PEX1: variants seen among roughly 807,000 people sequenced by gnomAD.
PEX1 encodes peroxisomal biogenesis factor 1, also known as peroxisomal ATPase PEX1.
Under a neutral mutation model 152.5 loss-of-function variants are expected in PEX1, and 97 were observed. That is an observed-to-expected ratio of 0.64 (90% CI 0.54 to 0.75). PEX1 has a LOEUF of 0.75. Among genes scored for constraint, PEX1 ranks in the 30% least tolerant of loss-of-function variants. The pLI is 0.00. For missense variants in PEX1, 1,357 were observed against 1,516.3 expected (o/e 0.89, Z 1.74); for synonymous variants, 485 against 531.6 (o/e 0.91, Z 1.21).
chr7:92,498,710 G>A (rs1225236273), intron 16 of PEX1, among the ~76,000 whole-genome samples: 1 of 151,898 alleles, frequency 6.6e-6, no homozygotes, highest in Non-Finnish European at 1.5e-5. Flanking sequence ...AAAATGATCT[G>A]CTAGCATGCC....
intron 16 of PEX1, among the ~76,000 whole-genome samples, chr7:92,498,708 C>G (rs1791778373): frequency 1.3e-5 from 2 of 152,086 alleles, no homozygotes; most frequent in Admixed American, 1.3e-4. Flanking sequence ...CCAAAATGAT[C>G]TGCTAGCATG....
At chr7:92,527,430 TAGG>T (rs1228803498) in intron 1 of PEX1, among the ~76,000 whole-genome samples, 5 of 152,180 alleles carry the variant, frequency 3.3e-5, no homozygotes, top group African/African-American at 1.2e-4. Context: ...ACGACGATGA[TAGG>T]AGGATTCTGC....
intron 10 of PEX1, 133 bp downstream of exon 10, chr7:92,506,861 T>C: frequency 1.2e-6 from 1 of 846,852 alleles, no homozygotes; most frequent in Non-Finnish European, 1.9e-6. Flanking sequence ...ATGAATGCTT[T>C]CCATATGTCG....
At position 92,513,847 on chromosome 7, in the gene PEX1, C is replaced by T; in HGVS notation, c.1359+1G>A. ...GATGTAACATATATATTTGAACTCACTAAATTCTCTCTAGGTTGTAACTTT... is the reference window on the plus strand; with the variant it reads ...GATGTAACATATATATTTGAACTCATTAAATTCTCTCTAGGTTGTAACTTT... On this transcript the variant is annotated splice_donor_variant, in intron 6 of 23. Transcript: ENST00000248633. LOFTEE classifies it high-confidence loss of function. The T allele has an allele frequency of 6.3e-7, 1 of 1,597,668 alleles. No homozygotes were observed. The highest frequency in any genetic ancestry group is 1.3e-5 in the African/African-American group (1 of 74,766).
rs1372818775 is a variant in PEX1 at position 92,502,014 on chromosome 7, G to A, written c.2292C>T (p.Phe764=). 1.9e-6 allele frequency: 3 copies of A among 1,612,838 alleles called. No homozygotes were observed. Among genetic ancestry groups the A allele is most frequent in the Non-Finnish European group, 2.5e-6 (3 of 1,178,986 alleles). ...KNKLDCDINK[F]TDLDLQHVAK... ...CTACATGCTGCAGGTCAAGATCGGT[G>A]AACTTGTTTATATCACAGTCCAATT... Residue 764 remains phenylalanine, a synonymous_variant, in exon 14 of 24, where the codon TTC becomes TTT. Coordinates refer to ENST00000248633, the MANE Select transcript of PEX1 (RefSeq NM_000466.3).
rs1792829321 is a variant in PEX1, at chr7:92,517,221, T to C, written c.1239+55A>G. ...ATGAAATACTATTCTAATTCATAAT[T>C]TGGGGATGTTTAAGCCACATAAAAT... On this transcript the variant is annotated intron_variant, in intron 5 of 23. Coordinates refer to ENST00000248633, the MANE Select transcript of PEX1 (RefSeq NM_000466.3). 4 of 1,245,678 alleles carry C rather than the reference T, an allele frequency of 3.2e-6. No individual in the cohort carries two copies. In the East Asian group the frequency reaches 9.3e-5, roughly 29 times the overall value. The allele number at this position is 1,245,678 out of a possible 1,614,324, so 77.2% of individuals were successfully genotyped here. A position where few individuals can be genotyped will look rare whatever the true frequency, so the allele number is the denominator to read the frequency against.
rs755194145 is a variant in PEX1, at chr7:92,491,445, G to A, written c.3265C>T (p.His1089Tyr). 2 of 1,613,700 alleles carry A rather than the reference G, an allele frequency of 1.2e-6. No individual in the cohort carries two copies. Among genetic ancestry groups the A allele is most frequent in the East Asian group, 2.2e-5 (1 of 44,866 alleles). Residue 1089 changes from histidine to tyrosine, a missense_variant, in exon 21 of 24, where the codon CAT becomes TAT. Coordinates refer to ENST00000248633, the MANE Select transcript of PEX1 (RefSeq NM_000466.3). ...GCTGAATCGTCAGAGCCACTGCTAT[G>A]GTTAAGAAAGACCATTGAAGACAGA... The part of the protein sequence containing the change: ...LSLSSMVFLN[H>Y]SSGSDDSAGD...
At position 92,494,649 on chromosome 7, in the gene PEX1, T is replaced by A. The variant is rs779031115; in HGVS notation, c.2784-20A>T. 6.2e-7 allele frequency: 1 copy of A among 1,612,906 alleles called. No individual in the cohort carries two copies. On this transcript the variant is annotated intron_variant, in intron 17 of 23. Transcript: ENST00000248633. The stretch of plus-strand genomic sequence containing the variant: ...TGTGCTCTGGGAAAAACAAACAACA[T>A]TTCATATTTGAATCAGGCTTCATAG...
rs1270405806 is a variant in PEX1 at position 92,489,896 on chromosome 7, A to G, written c.3454T>C (p.Ser1152Pro). 6.8e-6 allele frequency: 11 copies of G among 1,613,872 alleles called. No homozygotes were observed. The highest frequency in any genetic ancestry group is 8.5e-6 in the Non-Finnish European group (10 of 1,179,916). Residue 1152 changes from serine (S) to proline (P), a missense_variant, in exon 22 of 24, where the codon TCT (serine) becomes CCT (proline). Ser to Pro is a moderately conservative substitution (Grantham distance 74). Transcript: ENST00000248633. ...TCCTGAGTCATGGAGCTTGGTGCAG[A>G]GAGACATTGTGAGCTCTGCATGGTA... Reference protein sequence around the residue: ...TSSDLSSQCLSAPSSMTQDLP... With the variant: ...TSSDLSSQCLPAPSSMTQDLP...
At chr7:92,513,600 G>A (rs1444102821) in intron 6 of PEX1, among the ~76,000 whole-genome samples, 1 of 152,036 alleles carries the variant, frequency 6.6e-6, no homozygotes, top group Non-Finnish European at 1.5e-5. Flanking sequence ...TTCTCTTTGG[G>A]GTGATGGAAA....
At chr7:92,525,009 G>A (rs529394539) in intron 1 of PEX1, among the ~76,000 whole-genome samples, 1 of 152,284 alleles carries the variant, frequency 6.6e-6, no homozygotes, top group African/African-American at 2.4e-5. Context: ...AAGGAAAAAT[G>A]AACCTTATTG....
At chr7:92,516,896 A>G (rs1046025901) in intron 5 of PEX1, among the ~76,000 whole-genome samples, 24 of 152,194 alleles carry the variant, frequency 1.6e-4, no homozygotes, top group African/African-American at 5.1e-4. Flanking sequence ...TGCTTTCGGT[A>G]ACTGGGGAAC....
rs775743560 is a variant in PEX1, at chr7:92,489,430, TA to T, written c.3637-8del. On this transcript the variant is annotated splice_region_variant and splice_polypyrimidine_tract_variant and intron_variant, in intron 22 of 23. Coordinates refer to ENST00000248633, the MANE Select transcript of PEX1 (RefSeq NM_000466.3). ...GGTTCATGGATTCGTCCTCCTTAAG[TA>T]AAAAAAGAAATTGACGAAGAGTTAA... The T allele has an allele frequency of 1.9e-6, 3 of 1,611,212 alleles. No individual in the cohort carries two copies. The highest frequency in any genetic ancestry group is 1.1e-5 in the South Asian group (1 of 90,890).
At chr7:92,505,934 T>C (rs1296446653) in intron 11 of PEX1, among the ~76,000 whole-genome samples, 1 of 152,158 alleles carries the variant, frequency 6.6e-6, no homozygotes, top group Non-Finnish European at 1.5e-5. Context: ...TCCATAGCAA[T>C]TCAGAGATCA....
intron 16 of PEX1, 64 bp from the exon 17 acceptor site, chr7:92,496,841 ACTAAGT>A: frequency 9.8e-7 from 1 of 1,024,850 alleles, no homozygotes; most frequent in Non-Finnish European, 1.5e-6. Context: ...TTGGTTTCTG[ACTAAGT>A]CTAAATGAAT....
At chr7:92,516,816 T>G (rs1321690095) in intron 5 of PEX1, among the ~76,000 whole-genome samples, 1 of 152,148 alleles carries the variant, frequency 6.6e-6, no homozygotes, top group Non-Finnish European at 1.5e-5. Context: ...TGCCACCACA[T>G]GCAGCAGGAA....
chr7:92,525,474 A>G (rs914790457), intron 1 of PEX1, among the ~76,000 whole-genome samples: 1 of 152,234 alleles, frequency 6.6e-6, no homozygotes, highest in Non-Finnish European at 1.5e-5. Flanking sequence ...AATCACATCA[A>G]GTTCTGAGTA....
Position 92,510,477 on chromosome 7 carries a change from A to AT in PEX1, c.1587+466_1587+467insA, listed in dbSNP as rs1258091129. 2.1e-3 allele frequency among the ~76,000 whole-genome samples: 317 copies of AT among 151,148 alleles called. 2 individuals carry two copies. Among genetic ancestry groups the AT allele is most frequent in the African/African-American group, 7.1e-3 (292 of 41,358 alleles). The stretch of plus-strand genomic sequence containing the variant: ...TGAGACACCGTCTTTTAAAAAAAAA[A>AT]AATAATAATATAATAATAAAAAAAC... On this transcript the variant is annotated intron_variant, in intron 8 of 23. Transcript: ENST00000248633.
intron 1 of PEX1, 28 bp downstream of exon 1, chr7:92,528,279 A>G: frequency 1.3e-6 from 2 of 1,548,934 alleles, no homozygotes; most frequent in Non-Finnish European, 1.7e-6. Flanking sequence ...CAGGCTGAAG[A>G]TCAGGTGGCT....
Sources: gnomAD v4.1 joint callset for allele counts (sites outside exome capture counted in the v4.1 genomes callset) on GRCh38, gnomAD v4.1.1 for gene constraint, MANE v1.5 for transcripts, NCBI Gene and HGNC (gene_info 2026-07-23, HGNC 2026-07-21) for gene names.